KIF4A: variants seen among roughly 807,000 people sequenced by gnomAD.
KIF4A encodes chromosome-associated kinesin KIF4A.
KIF4A carries 7 observed loss-of-function variants against 105.9 expected under a neutral mutation model. That is an observed-to-expected ratio of 0.07 (90% confidence interval 0.04 to 0.12). KIF4A has a LOEUF of 0.12. Ranked by LOEUF, KIF4A falls within the 10% of genes least tolerant of loss-of-function variation. The pLI is 1.00. For missense variants in KIF4A, 558 were observed against 929.2 expected (o/e 0.60, Z 5.19); for synonymous variants, 281 against 331.3 (o/e 0.85, Z 1.65).
At chrX:70,369,730 G>A (rs1394517482) in intron 15 of KIF4A, among the ~76,000 whole-genome samples, 1 of 110,764 alleles carries the variant, frequency 9.0e-6, no homozygotes, top group African/African-American at 3.3e-5. Context: ...GCAAGTTACA[G>A]AATAACATAT....
intron 15 of KIF4A, among the ~76,000 whole-genome samples, chrX:70,360,551 C>T (rs1169340463): frequency 8.8e-6 from 1 of 113,296 alleles, no homozygotes; most frequent in Non-Finnish European, 1.9e-5. Flanking sequence ...CACTCAGCCA[C>T]GTCAACAAGC....
At chrX:70,368,003 A>G (rs1420556901) in intron 15 of KIF4A, among the ~76,000 whole-genome samples, 4 of 110,732 alleles carry the variant, frequency 3.6e-5, no homozygotes, top group African/African-American at 1.3e-4. Context: ...CATTCATTTG[A>G]TCTTCCATCA....
chrX:70,384,053 T>C (rs1420360585), intron 18 of KIF4A, among the ~76,000 whole-genome samples: 1 of 111,957 alleles, frequency 8.9e-6, no homozygotes, highest in African/African-American at 3.2e-5. Context: ...GTATGTGAAT[T>C]ATATCTCAAT....
chrX:70,314,153 A>C (rs186094303), intron 7 of KIF4A, among the ~76,000 whole-genome samples: 2 of 111,883 alleles, frequency 1.8e-5, no homozygotes, highest in Non-Finnish European at 1.9e-5. Flanking sequence ...GGTGGAAGAA[A>C]CTTTTAGGGA....
chrX:70,401,657 T>G (rs2086283172), intron 22 of KIF4A, among the ~76,000 whole-genome samples: 1 of 111,718 alleles, frequency 9.0e-6, no homozygotes, highest in African/African-American at 3.2e-5. Context: ...CACCTCGGCC[T>G]CCCAAAGTGC....
In KIF4A at chrX:70,353,660, C is replaced by T. The variant is rs1028098560; in HGVS notation, c.1527C>T (p.Asp509=). The T allele has an allele frequency of 9.1e-6, 11 of 1,209,050 alleles. No homozygotes were observed. Among genetic ancestry groups the T allele is most frequent in the South Asian group, 3.5e-5 (2 of 56,599 alleles). Residue 509 remains aspartate, a synonymous_variant, in exon 15 of 31, where the codon GAC becomes GAT. Transcript: ENST00000374403. ...ETSPETSRSS[D]AFTTQHALRQ... is the part of the protein sequence containing the mutation. ...GTCCAGAGACGAGCAGGTCTTCTGA[C>T]GCTTTTACCACTCAGCATGCTCTCC...
chrX:70,332,115 C>A (rs1173019627), intron 9 of KIF4A, among the ~76,000 whole-genome samples: 3 of 111,912 alleles, frequency 2.7e-5, no homozygotes, highest in African/African-American at 9.7e-5. Flanking sequence ...GTATAAAGTT[C>A]AGAAAGATCT....
At chrX:70,347,303 A>G (rs1713755) in intron 13 of KIF4A, among the ~76,000 whole-genome samples, 15,046 of 111,504 alleles carry the variant, frequency 0.13, 1,559 homozygotes, top group African/African-American at 0.35. Flanking sequence ...TCTTGGTTAT[A>G]GTCTTAGAAT....
chrX:70,399,583 A>G (rs1255687270), intron 22 of KIF4A, among the ~76,000 whole-genome samples: 1 of 110,402 alleles, frequency 9.1e-6, no homozygotes, highest in Non-Finnish European at 1.9e-5. Context: ...ATGGCACTTT[A>G]TAGAATGATG....
chrX:70,388,841 G>T (rs186209061), intron 20 of KIF4A, among the ~76,000 whole-genome samples: 132 of 112,165 alleles, frequency 1.2e-3, no homozygotes, highest in African/African-American at 4.0e-3. Flanking sequence ...CCTGGCTGTG[G>T]CTTGCCCTTT....
intron 7 of KIF4A, among the ~76,000 whole-genome samples, chrX:70,321,736 C>T (rs1341404510): frequency 9.0e-6 from 1 of 111,085 alleles, no homozygotes; most frequent in Non-Finnish European, 1.9e-5. Flanking sequence ...TACTACTGCT[C>T]TCCTCCCTTT....
intron 10 of KIF4A, among the ~76,000 whole-genome samples, chrX:70,335,636 C>T (rs985788872): frequency 3.6e-5 from 4 of 111,482 alleles, no homozygotes; most frequent in African/African-American, 1.3e-4. Context: ...GTGGTGAAGT[C>T]TGGGCTTTTA....
At chrX:70,360,226 G>A (rs994417101) in intron 15 of KIF4A, among the ~76,000 whole-genome samples, 1 of 112,087 alleles carries the variant, frequency 8.9e-6, no homozygotes, top group Non-Finnish European at 1.9e-5. Flanking sequence ...TGCACTTATT[G>A]GAAGACATGA....
At chrX:70,407,502 C>G (rs1479750019) in intron 28 of KIF4A, among the ~76,000 whole-genome samples, 1 of 111,466 alleles carries the variant, frequency 9.0e-6, no homozygotes, top group African/African-American at 3.3e-5. Flanking sequence ...GCCCCATACC[C>G]TTTAGCTATC....
chrX:70,345,856 C>A (rs1303902606), intron 13 of KIF4A, among the ~76,000 whole-genome samples: 2 of 111,317 alleles, frequency 1.8e-5, no homozygotes, highest in Non-Finnish European at 3.8e-5. Flanking sequence ...AATTGGGAAT[C>A]CTCTCTCGTG....
At chrX:70,393,860 TCTTTC>T (rs2086248600) in intron 20 of KIF4A, among the ~76,000 whole-genome samples, 4 of 8,407 alleles carry the variant, frequency 4.8e-4, no homozygotes, top group Non-Finnish European at 8.6e-4. Flanking sequence ...TTTCTTTCTT[TCTTTC>T]TTTCTTTTTT....
rs376656540 is a variant in KIF4A at position 70,420,134 on chromosome X, C to G, written c.3568C>G (p.Leu1190Val). 12 of 1,208,788 alleles carry G rather than the reference C, an allele frequency of 9.9e-6. No homozygotes were observed. Among genetic ancestry groups the G allele is most frequent in the Non-Finnish European group, 1.3e-5 (12 of 894,866 alleles). Residue 1190 changes from leucine to valine, a missense_variant, in exon 31 of 31, where the codon CTC becomes GTC. Physicochemically the swap from Leu to Val is conservative, Grantham distance 32. This residue lies in a region of KIF4A where 469 missense variants were observed against 680.4 expected (regional missense o/e 0.69). Transcript: ENST00000374403. Reference sequence around the variant, plus strand: ...TCCCCCAGCTCCCTCCCCTTTTGACCTCCCAGAGTTGAAACATGTAGCAAC... The same window carrying G: ...TCCCCCAGCTCCCTCCCCTTTTGACGTCCCAGAGTTGAAACATGTAGCAAC... ...KTPPAPSPFD[L>V]PELKHVATEY...
chrX:70,332,099 A>G (rs1391077427), intron 9 of KIF4A, among the ~76,000 whole-genome samples: 1 of 112,304 alleles, frequency 8.9e-6, no homozygotes, highest in African/African-American at 3.2e-5. Context: ...ATAGTTGAAT[A>G]TAAAAGTATA....
intron 5 of KIF4A, among the ~76,000 whole-genome samples, chrX:70,301,658 A>G (rs1241551909): frequency 1.8e-5 from 2 of 111,641 alleles, no homozygotes; most frequent in Non-Finnish European, 3.8e-5. Context: ...AAATCTTGAG[A>G]TCTTTTCTAG....
Sources: gnomAD v4.1 joint callset for allele counts (sites outside exome capture counted in the v4.1 genomes callset) on GRCh38, gnomAD v4.1.1 for gene constraint, gnomAD v4.1.1 regional missense constraint, MANE v1.5 for transcripts, NCBI Gene and HGNC (gene_info 2026-07-23, HGNC 2026-07-21) for gene names.